The following MYH8 variants were observed in gnomAD, a reference collection of about 807,000 sequenced individuals.
MYH8 encodes myosin heavy chain 8.
A neutral mutation model predicts 233.2 loss-of-function variants in MYH8; 168 were observed. The ratio of observed to expected loss-of-function variants is 0.72; its 90% CI spans 0.64 to 0.82. MYH8 has a LOEUF of 0.82. MYH8 is among the 40% of genes least tolerant of loss of function. MYH8 has a pLI of 0.00. For synonymous variants in MYH8, 785 were observed against 850.6 expected (o/e 0.92, Z 1.34); for missense variants, 1,995 against 2,327.8 (o/e 0.86, Z 2.94).
Position 10,404,589 on chromosome 17 carries a change from C to T in MYH8, c.2433-4G>A, listed in dbSNP as rs545668939. The T allele has an allele frequency of 8.7e-6, 14 of 1,613,248 alleles. No homozygotes were observed. In the Admixed American group the frequency reaches 1.2e-4, roughly 13 times the overall value. ...CTGGATGCAGAAAAGTGCTTCTCTGCGATGACATGAAAATATCAGTGTAGA... is the reference window on the plus strand; with the variant it reads ...CTGGATGCAGAAAAGTGCTTCTCTGTGATGACATGAAAATATCAGTGTAGA... On this transcript the variant is annotated splice_region_variant and splice_polypyrimidine_tract_variant and intron_variant, in intron 21 of 39. Transcript: ENST00000403437.
rs2072314491 is a variant in MYH8, at chr17:10,419,124, C to G, written c.211-94G>C. On this transcript the variant is annotated intron_variant, in intron 3 of 39. Transcript: ENST00000403437. This position sits in a 1 kb window ranked among gnomAD's most constrained non-coding sequence, Gnocchi z 4.0. ...CCAGGCTGGAGTGCAGTGGCGCGATCTCAGCTCACTGCAACCTCCGCCCTC... is the reference window on the plus strand; with the variant it reads ...CCAGGCTGGAGTGCAGTGGCGCGATGTCAGCTCACTGCAACCTCCGCCCTC... The G allele has an allele frequency of 5.0e-6, 7 of 1,404,602 alleles. No homozygotes were observed. Among genetic ancestry groups the G allele is most frequent in the Non-Finnish European group, 7.0e-6 (7 of 1,004,254 alleles). The allele number at this position is 1,404,602 out of a possible 1,614,324, so 87.0% of individuals were successfully genotyped here. A position where few individuals can be genotyped will look rare whatever the true frequency, so the allele number is the denominator to read the frequency against.
chr17:10,393,563 C>T (rs945414591), intron 35 of MYH8, among the ~76,000 whole-genome samples: 1 of 152,212 alleles, frequency 6.6e-6, no homozygotes, highest in African/African-American at 2.4e-5. Flanking sequence ...GTGGCAGGCA[C>T]TGAGAGTTTC....
chr17:10,395,507 G>A, intron 33 of MYH8, 66 bp from the exon 34 acceptor site: 1 of 1,512,340 alleles, frequency 6.6e-7, no homozygotes, highest in Non-Finnish European at 9.1e-7. Flanking sequence ...ATTCCCTCGT[G>A]AGCCAAACTC....
In MYH8 at chr17:10,400,896, T is replaced by C; in HGVS notation, c.3318A>G (p.Gln1106=). 6.2e-7 allele frequency: 1 copy of C among 1,613,886 alleles called. No homozygotes were observed. The highest frequency in any genetic ancestry group is 8.5e-7 in the Non-Finnish European group (1 of 1,180,022). Residue 1106 remains glutamine, a synonymous_variant, in exon 26 of 40, where the codon CAA becomes CAG. Transcript: ENST00000403437. The surrounding 1 kb of genome is among the most constrained non-coding windows in gnomAD (Gnocchi z 4.0). The part of the protein sequence containing the change: ...KIEDEQAVEI[Q]LQKKIKELQA... ...GCAACTCTTTGATCTTCTTCTGTAGTTGAATTTCTACAGCTTGCTCATCTT... is the reference window on the plus strand; with the variant it reads ...GCAACTCTTTGATCTTCTTCTGTAGCTGAATTTCTACAGCTTGCTCATCTT...
At chr17:10,395,011 C>G (rs2072066091) in intron 34 of MYH8, 122 bp downstream of exon 34, 2 of 1,096,526 alleles carry the variant, frequency 1.8e-6, no homozygotes, top group Non-Finnish European at 2.8e-6. Flanking sequence ...ATTCAGTTAC[C>G]TTTGTGCGGT....
chr17:10,418,434 A>G (rs988706715), intron 5 of MYH8, among the ~76,000 whole-genome samples: 3 of 152,258 alleles, frequency 2.0e-5, no homozygotes, highest in Admixed American at 6.5e-5. Flanking sequence ...AAGGACAGTG[A>G]ATTCAGTGAG....
chr17:10,409,723 G>T (rs2072228408), intron 15 of MYH8, 135 bp from the exon 16 acceptor site: 1 of 1,200,524 alleles, frequency 8.3e-7, no homozygotes, highest in Non-Finnish European at 1.2e-6. Flanking sequence ...ACAGCTCGAA[G>T]AAGTCCCTTG....
intron 39 of MYH8, among the ~76,000 whole-genome samples, chr17:10,391,680 A>AAAAT (rs1416655415): frequency 1.3e-5 from 2 of 152,168 alleles, no homozygotes; most frequent in African/African-American, 2.4e-5. Flanking sequence ...GCTCTGTGTC[A>AAAAT]AAATAAATAA....
chr17:10,420,686 A>G (rs2072331012), intron 2 of MYH8, among the ~76,000 whole-genome samples: 1 of 152,272 alleles, frequency 6.6e-6, no homozygotes, highest in South Asian at 2.1e-4. Flanking sequence ...ATATTTTCAA[A>G]GCTATCAAAA....
In MYH8 at chr17:10,394,431, C is replaced by A; in HGVS notation, c.4984G>T (p.Asp1662Tyr). Residue 1662 changes from aspartate (D) to tyrosine (Y), a missense_variant, in exon 35 of 40, where the codon GAT (aspartate) becomes TAT (tyrosine). Asp to Tyr is a radical substitution (Grantham distance 160). Coordinates refer to ENST00000403437, the MANE Select transcript of MYH8 (RefSeq NM_002472.3). ...ILKETQLHLD[D>Y]ALRGQEDLKE... ...AGGTCCTCCTGGCCCCGGAGAGCATCATCCAGGTGGAGCTGGGTTTCCTAA... is the reference window on the plus strand; with the variant it reads ...AGGTCCTCCTGGCCCCGGAGAGCATAATCCAGGTGGAGCTGGGTTTCCTAA... The A allele has an allele frequency of 6.2e-7, 1 of 1,614,178 alleles. No individual in the cohort carries two copies. The highest frequency in any genetic ancestry group is 8.5e-7 in the Non-Finnish European group (1 of 1,180,026).
chr17:10,393,960 C>G (rs994220752), intron 35 of MYH8, among the ~76,000 whole-genome samples: 1 of 132,652 alleles, frequency 7.5e-6, no homozygotes. Flanking sequence ...TCTAAATAGC[C>G]AAATCTTATT....
chr17:10,390,903 T>G (rs1597395838), intron 39 of MYH8, among the ~76,000 whole-genome samples: 1 of 152,224 alleles, frequency 6.6e-6, no homozygotes, highest in Non-Finnish European at 1.5e-5. Context: ...TAAGTAAATG[T>G]AAGGCCAAAT....
chr17:10,413,746 G>A (rs2072264842), intron 12 of MYH8, among the ~76,000 whole-genome samples, 156 bp downstream of exon 12: 2 of 152,324 alleles, frequency 1.3e-5, no homozygotes, highest in East Asian at 3.9e-4. Flanking sequence ...GGAGATGTAA[G>A]GAAGAGAGGG....
At chr17:10,395,575 T>C in intron 33 of MYH8, 134 bp from the exon 34 acceptor site, 1 of 866,892 alleles carries the variant, frequency 1.2e-6, no homozygotes, top group Non-Finnish European at 1.8e-6. Flanking sequence ...CTGGGAATCT[T>C]CTAGGTAAAT....
At chr17:10,413,075 G>C (rs1171617225) in intron 12 of MYH8, among the ~76,000 whole-genome samples, 1 of 152,190 alleles carries the variant, frequency 6.6e-6, no homozygotes, top group Admixed American at 6.5e-5. Context: ...AATATTCACT[G>C]TTAGAGAGGG....
intron 9 of MYH8, among the ~76,000 whole-genome samples, 183 bp downstream of exon 9, chr17:10,414,933 G>T (rs1305131791): frequency 6.6e-6 from 1 of 152,178 alleles, no homozygotes; most frequent in Admixed American, 6.5e-5. Context: ...GAATCATCAA[G>T]TCTGAGATTG....
intron 21 of MYH8, among the ~76,000 whole-genome samples, chr17:10,405,763 A>T (rs1256714373): frequency 6.6e-6 from 1 of 152,238 alleles, no homozygotes; most frequent in Non-Finnish European, 1.5e-5. Flanking sequence ...TGGGGAATAG[A>T]GAGGGCCTTG....
chr17:10,395,348 C>T lies in MYH8; in HGVS notation c.4747G>A (p.Asp1583Asn). ...CTCTTCAGCTGGTCAATTTCCTCAT[C>T]CTTTTCTGCGATTTTTCTATCAACT... ...SEVDRKIAEK[D>N]EEIDQLKRNH... The change falls in exon 34 of 40, where the codon GAT becomes AAT. Residue 1583 changes from aspartate (D) to asparagine (N), a missense_variant. Coordinates refer to ENST00000403437, the MANE Select transcript of MYH8 (RefSeq NM_002472.3). 1 of 1,614,186 alleles carries T rather than the reference C, an allele frequency of 6.2e-7. No homozygotes were observed. Among genetic ancestry groups the T allele is most frequent in the East Asian group, 2.2e-5 (1 of 44,880 alleles).
chr17:10,411,045 G>A, intron 14 of MYH8, 98 bp from the exon 15 acceptor site: 2 of 1,587,848 alleles, frequency 1.3e-6, no homozygotes, highest in South Asian at 2.2e-5. Context: ...GTGGAATGTA[G>A]TAATGAGATA....
Sources: allele counts gnomAD v4.1 joint callset (sites outside exome capture counted in the v4.1 genomes callset), GRCh38; gene constraint gnomAD v4.1.1; non-coding constraint Gnocchi (gnomAD v3.1); transcripts MANE v1.5; gene names NCBI Gene and HGNC (gene_info 2026-07-23, HGNC 2026-07-21).